WWC1: variants seen among roughly 807,000 people sequenced by gnomAD.
The protein encoded by WWC1 is protein KIBRA.
In WWC1, 55 loss-of-function variants were observed where a neutral mutation model predicts 138.4. The ratio of observed to expected loss-of-function variants is 0.40; its 90% confidence interval spans 0.32 to 0.50. The LOEUF (loss-of-function observed/expected upper bound fraction) is 0.50. WWC1 is among the 20% of genes least tolerant of loss of function. The pLI is 0.72. For missense variants in WWC1, 1,226 were observed against 1,420.4 expected, an observed-to-expected ratio of 0.86 and a Z score of 2.20; for synonymous variants, 524 against 564.9, an observed-to-expected ratio of 0.93 and a Z score of 1.03.
intron 1 of WWC1, among the ~76,000 whole-genome samples, chr5:168,327,201 C>T (rs1292460803): frequency 1.3e-5 from 2 of 152,168 alleles, no homozygotes; most frequent in African/African-American, 2.4e-5. Context: ...CATAGAAAAC[C>T]CCAAAATATC....
Position 168,416,035 on chromosome 5 carries a change from G to A in WWC1, c.1184+1445G>A, listed in dbSNP as rs182089118. ...CACCCCATCATGGGGCTTCCAGAGAGCCTTTGAGCTCTAAGGCACCCAGCT... is the reference window on the plus strand; with the variant it reads ...CACCCCATCATGGGGCTTCCAGAGAACCTTTGAGCTCTAAGGCACCCAGCT... On this transcript the variant is annotated intron_variant, in intron 9 of 22. Coordinates refer to ENST00000265293, the MANE Select transcript of WWC1 (RefSeq NM_015238.3). 3.3e-5 allele frequency: 5 copies of A among 152,180 alleles called. No homozygotes were observed. In the East Asian group the frequency reaches 9.7e-4, roughly 29 times the overall value. 9.4% of individuals were successfully genotyped at this position (152,180 alleles called of 1,614,324 possible). A position where few individuals can be genotyped will look rare whatever the true frequency, so the allele number is the denominator to read the frequency against.
intron 1 of WWC1, among the ~76,000 whole-genome samples, chr5:168,301,376 C>T (rs550563596): frequency 2.7e-4 from 41 of 152,328 alleles, no homozygotes; most frequent in African/African-American, 9.9e-4. Context: ...TGGCTGACAC[C>T]TGTAATTCCA....
intron 1 of WWC1, among the ~76,000 whole-genome samples, chr5:168,355,924 A>G (rs79938937): frequency 2.7e-5 from 4 of 150,528 alleles, no homozygotes; most frequent in Admixed American, 6.6e-5. Flanking sequence ...AAGAGAGAGA[A>G]AGAGAGACGG....
At position 168,430,190 on chromosome 5, in the gene WWC1, T is replaced by C; in HGVS notation, c.2054T>C (p.Leu685Pro). Residue 685 changes from leucine to proline, a missense_variant, in exon 14 of 23, where the codon CTT becomes CCT. Around this residue, in one of 3 missense-constraint regions of WWC1, gnomAD observed 1,016 missense variants for 1,153.9 expected, o/e 0.88. Transcript: ENST00000265293. The stretch of plus-strand genomic sequence containing the variant: ...ATATTAATCATCCAGCTGAGTAACC[T>C]TTCTGCTCTGTTGCAGCAACAAGAC... ...FAILIIQLSN[L>P]SALLQQQDQK... is the part of the protein sequence containing the mutation. 6.2e-7 allele frequency: 1 copy of C among 1,614,076 alleles called. No individual in the cohort carries two copies. Among genetic ancestry groups the C allele is most frequent in the Non-Finnish European group, 8.5e-7 (1 of 1,179,986 alleles).
intron 21 of WWC1, among the ~76,000 whole-genome samples, chr5:168,465,235 C>T (rs1168667247): frequency 6.6e-6 from 1 of 152,216 alleles, no homozygotes; most frequent in Admixed American, 6.5e-5. Flanking sequence ...ATTATTCACA[C>T]ATGTACTCAT....
At chr5:168,373,300 G>T (rs1776895847) in intron 2 of WWC1, among the ~76,000 whole-genome samples, 1 of 152,118 alleles carries the variant, frequency 6.6e-6, no homozygotes, top group South Asian at 2.1e-4. Flanking sequence ...GTAGTAGCAG[G>T]CCGTGGCAGA....
intron 1 of WWC1, among the ~76,000 whole-genome samples, chr5:168,323,909 C>T (rs936924920): frequency 2.0e-5 from 3 of 152,242 alleles, no homozygotes; most frequent in African/African-American, 7.2e-5. Flanking sequence ...ATAGGAATTA[C>T]ATACAGGAGA....
At chr5:168,415,677 C>T (rs1162622724) in intron 9 of WWC1, 1 of 151,890 alleles carries the variant, frequency 6.6e-6, no homozygotes, top group Admixed American at 6.6e-5. Flanking sequence ...GGTCCCTGCC[C>T]CATGACCTTT....
chr5:168,332,560 T>A (rs966482621), intron 1 of WWC1, among the ~76,000 whole-genome samples: 2 of 152,224 alleles, frequency 1.3e-5, no homozygotes, highest in African/African-American at 4.8e-5. Flanking sequence ...GTGTACCTGC[T>A]GATATGTCTG....
At chr5:168,432,323 C>A (rs1561758548) in intron 15 of WWC1, among the ~76,000 whole-genome samples, 1 of 152,202 alleles carries the variant, frequency 6.6e-6, no homozygotes, top group Non-Finnish European at 1.5e-5. Flanking sequence ...CAGCCTCCTC[C>A]CTGAAACTGA....
At chr5:168,345,285 A>G (rs1033621885) in intron 1 of WWC1, among the ~76,000 whole-genome samples, 1 of 152,042 alleles carries the variant, frequency 6.6e-6, no homozygotes, top group Admixed American at 6.6e-5. Flanking sequence ...TTGTATTTTT[A>G]ATAGAGACAG....
Position 168,428,777 on chromosome 5 carries a change from A to G in WWC1, c.1990A>G (p.Ile664Val), listed in dbSNP as rs1172851805. 1 of 1,613,832 alleles carries G rather than the reference A, an allele frequency of 6.2e-7. No individual in the cohort carries two copies. Among genetic ancestry groups the G allele is most frequent in the Admixed American group, 1.7e-5 (1 of 60,004 alleles). Residue 664 changes from isoleucine to valine, a missense_variant, in exon 13 of 23, where the codon ATT becomes GTT. This residue lies in a region of WWC1 where 1,016 missense variants were observed against 1,153.9 expected (regional missense o/e 0.88). Transcript: ENST00000265293. The stretch of plus-strand genomic sequence containing the variant: ...AGCAGTGGGTGCGACCCGAATTCAG[A>G]TTGCCCTGAAGTAAGTGACGAGGAC... ...SEAVGATRIQ[I>V]ALKYDEKNKQ... is the part of the protein sequence containing the mutation.
intron 9 of WWC1, among the ~76,000 whole-genome samples, chr5:168,421,481 A>G (rs1781086006): frequency 6.6e-6 from 1 of 152,220 alleles, no homozygotes; most frequent in Non-Finnish European, 1.5e-5. Context: ...TTTCTTTAAT[A>G]TCGGTTCTCC....
At chr5:168,432,820 A>C (rs191397866) in intron 15 of WWC1, among the ~76,000 whole-genome samples, 136 of 152,260 alleles carry the variant, frequency 8.9e-4, no homozygotes, top group African/African-American at 3.2e-3. Context: ...GGTATGTGCA[A>C]AGGGGAAAAA....
At chr5:168,419,137 G>A (rs575663017) in intron 9 of WWC1, among the ~76,000 whole-genome samples, 1 of 152,262 alleles carries the variant, frequency 6.6e-6, no homozygotes, top group East Asian at 1.9e-4. Flanking sequence ...TGGGTAGAGG[G>A]ATGGCATGAC....
intron 17 of WWC1, among the ~76,000 whole-genome samples, chr5:168,453,182 C>T (rs1035837046): frequency 1.3e-5 from 2 of 151,976 alleles, no homozygotes; most frequent in South Asian, 4.1e-4. Context: ...CAAGATGGTC[C>T]CACTGCACTC....
chr5:168,358,761 C>T (rs1001190746), intron 1 of WWC1, among the ~76,000 whole-genome samples: 1 of 151,698 alleles, frequency 6.6e-6, no homozygotes, highest in Admixed American at 6.6e-5. Flanking sequence ...TGTGTTTAAA[C>T]AATTTTATGA....
intron 1 of WWC1, among the ~76,000 whole-genome samples, chr5:168,347,970 G>C (rs796133709): frequency 5.3e-5 from 8 of 152,330 alleles, no homozygotes; most frequent in African/African-American, 1.7e-4. Flanking sequence ...CCTGTTGGAA[G>C]GGTCAGAGGA....
chr5:168,418,586 C>G (rs1489609816), intron 9 of WWC1, among the ~76,000 whole-genome samples: 2 of 152,150 alleles, frequency 1.3e-5, no homozygotes, highest in African/African-American at 4.8e-5. Flanking sequence ...GCCTCGGCAC[C>G]TGTGCATTGC....
Sources: gnomAD v4.1 joint callset for allele counts (sites outside exome capture counted in the v4.1 genomes callset) on GRCh38, gnomAD v4.1.1 for gene constraint, gnomAD v4.1.1 regional missense constraint, MANE v1.5 for transcripts, NCBI Gene and HGNC (gene_info 2026-07-23, HGNC 2026-07-21) for gene names.